Variants in NEK11 observed in about 807,000 individuals in gnomAD.
NEK11 encodes the protein serine/threonine-protein kinase Nek11.
NEK11 carries 72 observed loss-of-function variants against 80.7 expected under a neutral mutation model. That is an observed-to-expected ratio of 0.89 (90% CI 0.74 to 1.08). The LOEUF (loss-of-function observed/expected upper bound fraction) is 1.08. NEK11 is among the 50% of genes least tolerant of loss of function. The pLI is 0.00. For missense variants in NEK11, 764 were observed against 763.6 expected (o/e 1.00, Z -0.01); for synonymous variants, 251 against 260.7 (o/e 0.96, Z 0.36).
chr3:131,167,137 G>T (rs1048467202), intron 12 of NEK11, among the ~76,000 whole-genome samples: 1 of 152,122 alleles, frequency 6.6e-6, no homozygotes, highest in African/African-American at 2.4e-5. Context: ...ATATGCTGCT[G>T]GTCTGATTCC....
chr3:131,328,857 G>A (rs952597007), intron 17 of NEK11: 3 of 152,208 alleles, frequency 2.0e-5, no homozygotes, highest in Admixed American at 1.3e-4. Flanking sequence ...CATGGCAGAC[G>A]GTGGCATCTG....
intron 7 of NEK11, among the ~76,000 whole-genome samples, chr3:131,139,383 C>T (rs969561010): frequency 2.2e-4 from 33 of 150,584 alleles, no homozygotes; most frequent in African/African-American, 7.0e-4. Flanking sequence ...TGGAGCACAC[C>T]TCCAAGATCT....
chr3:131,335,707 A>G (rs1363938723), intron 17 of NEK11, among the ~76,000 whole-genome samples: 1 of 152,210 alleles, frequency 6.6e-6, no homozygotes, highest in African/African-American at 2.4e-5. Flanking sequence ...ATGATTGTAT[A>G]TCTAGAAAAC....
intron 14 of NEK11, among the ~76,000 whole-genome samples, chr3:131,177,770 T>C (rs1310548547): frequency 6.6e-6 from 1 of 152,206 alleles, no homozygotes; most frequent in Admixed American, 6.6e-5. Flanking sequence ...TAAGTAGTTA[T>C]ATTATAAAAA....
At chr3:131,320,520 GGA>G (rs144796371) in intron 17 of NEK11, among the ~76,000 whole-genome samples, 15,185 of 149,900 alleles carry the variant, frequency 0.1, 1,211 homozygotes, top group African/African-American at 0.22. Flanking sequence ...GGAAGAGGAG[GGA>G]GAGAGAGAGA....
chr3:131,196,689 C>T (rs577001952), intron 14 of NEK11, among the ~76,000 whole-genome samples: 36 of 152,004 alleles, frequency 2.4e-4, no homozygotes, highest in East Asian at 3.9e-4. Flanking sequence ...GGTGCCACCA[C>T]GCTGGGCTAA....
chr3:131,306,806 G>T (rs2096728152), intron 17 of NEK11, among the ~76,000 whole-genome samples: 3 of 152,140 alleles, frequency 2.0e-5, no homozygotes, highest in Admixed American at 2.0e-4. Context: ...CAATTATGGG[G>T]ACCCTGTATA....
intron 7 of NEK11, among the ~76,000 whole-genome samples, chr3:131,149,363 T>G (rs1326456628): frequency 6.6e-6 from 1 of 152,104 alleles, no homozygotes; most frequent in Non-Finnish European, 1.5e-5. Flanking sequence ...CTTTATCCAG[T>G]CTACCGTTGA....
intron 11 of NEK11, 164 bp from the exon 12 acceptor site, chr3:131,165,262 G>C: frequency 8.8e-6 from 5 of 565,654 alleles, no homozygotes; most frequent in Non-Finnish European, 1.3e-5. Context: ...AAGAGAATCA[G>C]CCGGGTGCTG....
intron 3 of NEK11, among the ~76,000 whole-genome samples, chr3:131,034,500 C>T (rs930000457): frequency 4.6e-5 from 7 of 152,032 alleles, no homozygotes; most frequent in Admixed American, 2.6e-4. Context: ...CCCGGCTTCA[C>T]GCCATTCTCC....
At chr3:131,322,818 G>C (rs944785259) in intron 17 of NEK11, among the ~76,000 whole-genome samples, 6 of 152,126 alleles carry the variant, frequency 3.9e-5, no homozygotes, top group African/African-American at 1.2e-4. Context: ...CTGATGAAGA[G>C]GCCCCCGCTC....
chr3:131,036,931 T>A (rs573218454), intron 3 of NEK11, among the ~76,000 whole-genome samples: 9 of 152,214 alleles, frequency 5.9e-5, no homozygotes, highest in Non-Finnish European at 1.3e-4. Flanking sequence ...ACATGCTTTT[T>A]TAAAGCAGGA....
chr3:131,317,292 C>T (rs1452545459), intron 17 of NEK11, among the ~76,000 whole-genome samples: 2 of 152,148 alleles, frequency 1.3e-5, no homozygotes, highest in Admixed American at 1.3e-4. Flanking sequence ...TGACCTGATT[C>T]CTCAATAAGG....
chr3:131,249,119 A>G (rs2095655492), intron 16 of NEK11, among the ~76,000 whole-genome samples: 1 of 152,054 alleles, frequency 6.6e-6, no homozygotes, highest in South Asian at 2.1e-4. Context: ...GCTAATATAA[A>G]CCTACAGAAA....
At chr3:131,341,194 T>G (rs2097279382) in intron 17 of NEK11, among the ~76,000 whole-genome samples, 1 of 152,184 alleles carries the variant, frequency 6.6e-6, no homozygotes, top group African/African-American at 2.4e-5. Flanking sequence ...CAGAATAAAT[T>G]TACACGGCAA....
At chr3:131,096,650 G>A (rs2077474361) in intron 4 of NEK11, among the ~76,000 whole-genome samples, 1 of 152,050 alleles carries the variant, frequency 6.6e-6, no homozygotes, top group South Asian at 2.1e-4. Flanking sequence ...CATCAACACT[G>A]GGTAAGCATT....
Position 131,204,118 on chromosome 3 carries a change from G to C in NEK11, c.1400-24410G>C, listed in dbSNP as rs1412152157. 2.0e-5 allele frequency among the ~76,000 whole-genome samples: 3 copies of C among 152,012 alleles called. No individual in the cohort carries two copies. The South Asian group carries it at 6.2e-4, about 32-fold the overall frequency. On this transcript the variant is annotated intron_variant, in intron 14 of 17. Coordinates refer to ENST00000383366, the MANE Select transcript of NEK11 (RefSeq NM_024800.5). ...ACACAGTTATCCATGCTTTGACCAT[G>C]CCTATGCAATGAAGTCTCCAAAAAA...
At chr3:131,172,276 A>C (rs1343985880) in intron 14 of NEK11, among the ~76,000 whole-genome samples, 1 of 152,248 alleles carries the variant, frequency 6.6e-6, no homozygotes, top group Non-Finnish European at 1.5e-5. Context: ...GAGGTCTGCA[A>C]GTGCATCCTT....
intron 17 of NEK11, among the ~76,000 whole-genome samples, chr3:131,323,055 A>G (rs1022594984): frequency 3.3e-5 from 5 of 152,186 alleles, no homozygotes; most frequent in Admixed American, 6.5e-5. Context: ...TGTTATTCTC[A>G]TCTCATTCCA....
Sources: allele counts gnomAD v4.1 joint callset (sites outside exome capture counted in the v4.1 genomes callset), GRCh38; gene constraint gnomAD v4.1.1; transcripts MANE v1.5; gene names NCBI Gene and HGNC (gene_info 2026-07-23, HGNC 2026-07-21).